The following GABRA5 variants were observed in gnomAD, a reference collection of about 807,000 sequenced individuals.
GABRA5 encodes the protein gamma-aminobutyric acid receptor subunit alpha-5.
Under a neutral mutation model 47.3 loss-of-function variants are expected in GABRA5, and 18 were observed. The ratio of observed to expected loss-of-function variants is 0.38; its 90% CI spans 0.26 to 0.56. The LOEUF is 0.56. Ranked by LOEUF, GABRA5 falls within the 20% of genes least tolerant of loss-of-function variation. The probability of loss-of-function intolerance (pLI) is 0.71; values close to 1 mark genes in which losing one functional copy is unlikely to be tolerated. For synonymous variants in GABRA5, 237 were observed against 229.3 expected, an observed-to-expected ratio of 1.03 and a Z score of -0.30; for missense variants, 365 against 599.3, an observed-to-expected ratio of 0.61 and a Z score of 4.08.
intron 7 of GABRA5, among the ~76,000 whole-genome samples, chr15:26,933,952 G>A (rs1294418817): frequency 6.6e-6 from 1 of 152,172 alleles, no homozygotes; most frequent in Non-Finnish European, 1.5e-5. Context: ...TTGGGGTGCT[G>A]TGACAAGGTC....
At position 26,881,080 on chromosome 15, in the gene GABRA5, G is replaced by C. The variant is rs146859930; in HGVS notation, c.208+113G>C. The C allele has an allele frequency of 1.5e-5, 18 of 1,239,934 alleles. No homozygotes were observed. In the African/African-American group the frequency reaches 2.7e-4, roughly 19 times the overall value. 76.8% of individuals were successfully genotyped at this position (1,239,934 alleles called of 1,614,324 possible). A position where few individuals can be genotyped will look rare whatever the true frequency, so the allele number is the denominator to read the frequency against. ...AATTCCTAAAAGAGCTTCCCTGCCA[G>C]GATTTTGGTATGATGGCTGTTCCAC... On this transcript the variant is annotated intron_variant, in intron 4 of 10. Coordinates refer to ENST00000335625, the MANE Select transcript of GABRA5 (RefSeq NM_000810.4).
intron 3 of GABRA5, among the ~76,000 whole-genome samples, chr15:26,871,264 T>C (rs2140241942): frequency 6.6e-6 from 1 of 152,354 alleles, no homozygotes; most frequent in Middle Eastern, 3.4e-3. Flanking sequence ...TGAATTTGCA[T>C]TGAATAAGCA....
rs1179576049 is a variant in GABRA5 at position 26,906,749 on chromosome 15, A to G, written c.498-8054A>G. 2.6e-5 allele frequency among the ~76,000 whole-genome samples: 4 copies of G among 152,232 alleles called. No homozygotes were observed. The East Asian group carries it at 7.7e-4, about 29-fold the overall frequency. On this transcript the variant is annotated intron_variant, in intron 6 of 10. Coordinates refer to ENST00000335625, the MANE Select transcript of GABRA5 (RefSeq NM_000810.4). ...TATTTTCCTACATTTGATCTGTTAA[A>G]AAGATTTATTATGGAGTGTGTAGAC...
chr15:26,884,569 A>G (rs1201869197), intron 6 of GABRA5, among the ~76,000 whole-genome samples: 1 of 152,294 alleles, frequency 6.6e-6, no homozygotes, highest in East Asian at 1.9e-4. Flanking sequence ...ACAATTTTTC[A>G]CGGTAAACTT....
At position 26,895,812 on chromosome 15, in the gene GABRA5, C is replaced by CAAAAAAAAAA. The variant is rs376170037; in HGVS notation, c.497+12262_497+12271dup. 3.0e-4 allele frequency among the ~76,000 whole-genome samples: 37 copies of CAAAAAAAAAA among 123,258 alleles called. 1 individual carries two copies. The highest frequency in any genetic ancestry group is 1.2e-3 in the African/African-American group (35 of 28,186). 80.9% of individuals were successfully genotyped at this position (123,258 alleles called of 152,430 possible). ...CCTGGGCGACAGAGCAAGACTCCGT[C>CAAAAAAAAAA]AAAAAAAAAAAAAAAAGAAGAAGAA... On this transcript the variant is annotated intron_variant, in intron 6 of 10. Transcript: ENST00000335625.
chr15:26,948,503 A>C lies in GABRA5; in HGVS notation c.*270A>C, dbSNP rs1012191887. The C allele has an allele frequency of 9.7e-6, 4 of 414,032 alleles. No individual in the cohort carries two copies. Among genetic ancestry groups the C allele is most frequent in the Non-Finnish European group, 1.3e-5 (3 of 232,472 alleles). The allele number at this position is 414,032 out of a possible 1,614,324, so 25.6% of individuals were successfully genotyped here. A position where few individuals can be genotyped will look rare whatever the true frequency, so the allele number is the denominator to read the frequency against. On this transcript the variant is annotated 3_prime_UTR_variant, in exon 11 of 11. Coordinates refer to ENST00000335625, the MANE Select transcript of GABRA5 (RefSeq NM_000810.4). ...CAGATGCCCAGTATCATACGTTGAT[A>C]GTTTACAAACAAGATACGTATATTT... is the stretch of plus-strand genomic sequence containing the variant.
intron 6 of GABRA5, among the ~76,000 whole-genome samples, chr15:26,911,176 C>CTAAT (rs1555391696): frequency 1.1e-4 from 16 of 151,588 alleles, no homozygotes; most frequent in South Asian, 1.0e-3. Flanking sequence ...GTTTAGAATT[C>CTAAT]TAAGGGGCTC....
intron 3 of GABRA5, 30 bp downstream of exon 3, chr15:26,869,364 G>T: frequency 4.5e-6 from 6 of 1,331,144 alleles, no homozygotes; most frequent in Non-Finnish European, 6.5e-6. Context: ...TTTATTTTAT[G>T]ATGTTAGGGA....
intron 6 of GABRA5, among the ~76,000 whole-genome samples, chr15:26,907,890 G>A (rs1475852366): frequency 2.6e-5 from 4 of 152,126 alleles, no homozygotes; most frequent in African/African-American, 7.2e-5. Flanking sequence ...ATGGTACATC[G>A]TGATACTGAC....
At chr15:26,910,325 G>A (rs1893549517) in intron 6 of GABRA5, among the ~76,000 whole-genome samples, 1 of 152,094 alleles carries the variant, frequency 6.6e-6, no homozygotes, top group African/African-American at 2.4e-5. Context: ...TGCCCGACCG[G>A]GTGTGGTGGC....
At chr15:26,927,664 C>T (rs1893993470) in intron 7 of GABRA5, among the ~76,000 whole-genome samples, 1 of 152,094 alleles carries the variant, frequency 6.6e-6, no homozygotes, top group Non-Finnish European at 1.5e-5. Flanking sequence ...TCTTACTTGT[C>T]TTTCATCTTT....
At chr15:26,937,502 T>TG (rs935109173) in intron 8 of GABRA5, among the ~76,000 whole-genome samples, 174 bp downstream of exon 8, 2 of 152,146 alleles carry the variant, frequency 1.3e-5, no homozygotes, top group Non-Finnish European at 2.9e-5. Flanking sequence ...GTATGAGAGC[T>TG]GGCCAAAGGA....
chr15:26,940,106 C>A, intron 9 of GABRA5, 29 bp downstream of exon 9: 1 of 1,588,496 alleles, frequency 6.3e-7, no homozygotes, highest in Non-Finnish European at 8.6e-7. Flanking sequence ...GGCCTGGACA[C>A]TGGTGTTTTG....
chr15:26,914,694 G>A (rs151321923), intron 6 of GABRA5, 109 bp from the exon 7 acceptor site: 2 of 764,952 alleles, frequency 2.6e-6, no homozygotes, highest in Non-Finnish European at 4.6e-6. Flanking sequence ...TCTCATAAGA[G>A]ACATTAATTT....
At chr15:26,882,334 T>C (rs1244922695) in intron 4 of GABRA5, among the ~76,000 whole-genome samples, 1 of 152,086 alleles carries the variant, frequency 6.6e-6, no homozygotes, top group Non-Finnish European at 1.5e-5. Flanking sequence ...ACACACAGCA[T>C]CACACAGACA....
At chr15:26,914,974 C>T in intron 7 of GABRA5, 89 bp downstream of exon 7, 2 of 990,776 alleles carry the variant, frequency 2.0e-6, no homozygotes, top group South Asian at 2.7e-5. Context: ...TCTGCATATA[C>T]ATAAGCACAA....
chr15:26,891,176 A>C (rs1165118194), intron 6 of GABRA5, among the ~76,000 whole-genome samples: 1 of 152,176 alleles, frequency 6.6e-6, no homozygotes, highest in South Asian at 2.1e-4. Context: ...CACATCTCAC[A>C]CAGGACCACA....
intron 6 of GABRA5, among the ~76,000 whole-genome samples, chr15:26,899,227 T>TGTGTAAACCTCTGTAAA (rs773348719): frequency 3.3e-5 from 5 of 152,232 alleles, no homozygotes; most frequent in Non-Finnish European, 7.3e-5. Context: ...GAAATGTGTT[T>TGTGTAAACCTCTGTAAA]AATTTCCACA....
At chr15:26,932,061 A>G (rs977828860) in intron 7 of GABRA5, among the ~76,000 whole-genome samples, 5 of 152,252 alleles carry the variant, frequency 3.3e-5, no homozygotes, top group African/African-American at 4.8e-5. Context: ...AGGCATGGGC[A>G]AAGATTTTAT....
Sources: gnomAD v4.1 joint callset for allele counts (sites outside exome capture counted in the v4.1 genomes callset) on GRCh38, gnomAD v4.1.1 for gene constraint, MANE v1.5 for transcripts, NCBI Gene and HGNC (gene_info 2026-07-23, HGNC 2026-07-21) for gene names.